The following KCNQ5 variants were observed in gnomAD, a reference collection of about 807,000 sequenced individuals.
KCNQ5 encodes potassium voltage-gated channel subfamily KQT member 5.
In KCNQ5, 30 loss-of-function variants were observed where a neutral mutation model predicts 98.2. The observed-to-expected ratio is 0.31, with a 90% CI of 0.23 to 0.41. KCNQ5 has a LOEUF of 0.41. Among genes scored for constraint, KCNQ5 ranks in the 10% least tolerant of loss-of-function variants. The probability of loss-of-function intolerance (pLI) is 1.00; values close to 1 mark genes in which losing one functional copy is unlikely to be tolerated. For synonymous variants in KCNQ5, 458 were observed against 449.4 expected (o/e 1.02, Z -0.24); for missense variants, 835 against 1,182.5 (o/e 0.71, Z 4.31).
At chr6:72,910,762 A>G (rs1779911377) in intron 1 of KCNQ5, among the ~76,000 whole-genome samples, 1 of 152,152 alleles carries the variant, frequency 6.6e-6, no homozygotes, top group African/African-American at 2.4e-5. Flanking sequence ...AAAGAGGATA[A>G]AAGTGAACAT....
chr6:72,728,351 C>G (rs1340805425), intron 1 of KCNQ5, among the ~76,000 whole-genome samples: 1 of 152,046 alleles, frequency 6.6e-6, no homozygotes, highest in African/African-American at 2.4e-5. Flanking sequence ...ATTATTTATA[C>G]CTGTTCCAGA....
chr6:72,796,764 C>A (rs1329757464), intron 1 of KCNQ5, among the ~76,000 whole-genome samples: 3 of 152,124 alleles, frequency 2.0e-5, no homozygotes, highest in African/African-American at 7.2e-5. Context: ...ACATAATTAG[C>A]TGTATTTGTG....
At chr6:72,928,463 TA>T (rs1765539760) in intron 1 of KCNQ5, among the ~76,000 whole-genome samples, 1 of 152,088 alleles carries the variant, frequency 6.6e-6, no homozygotes, top group African/African-American at 2.4e-5. Context: ...GGAATGATCT[TA>T]GAGTTAAATA....
At chr6:72,800,705 T>C (rs1443458497) in intron 1 of KCNQ5, among the ~76,000 whole-genome samples, 1 of 152,224 alleles carries the variant, frequency 6.6e-6, no homozygotes, top group East Asian at 1.9e-4. Flanking sequence ...CTAGTTCTTT[T>C]AATTGTGATG....
At chr6:73,132,947 G>A (rs886103217) in intron 9 of KCNQ5, among the ~76,000 whole-genome samples, 3 of 152,110 alleles carry the variant, frequency 2.0e-5, no homozygotes, top group African/African-American at 7.2e-5. Flanking sequence ...AATCTTGCCT[G>A]GAATATAAAA....
At chr6:73,004,302 A>T (rs1769722927) in intron 2 of KCNQ5, among the ~76,000 whole-genome samples, 1 of 152,242 alleles carries the variant, frequency 6.6e-6, no homozygotes, top group Non-Finnish European at 1.5e-5. Flanking sequence ...TAAACAAATT[A>T]TATAAGAAGA....
chr6:72,664,887 TA>T (rs1766718063), intron 1 of KCNQ5, among the ~76,000 whole-genome samples: 1 of 152,196 alleles, frequency 6.6e-6, no homozygotes, highest in African/African-American at 2.4e-5. Context: ...TTTTTACCAT[TA>T]AATGTAATTG....
In KCNQ5 at chr6:72,840,157, C is replaced by T. The variant is rs557078157; in HGVS notation, c.399-163751C>T. ...ACCACATTTTCTTTATCCATTCATT[C>T]ACTGCTGGATACTTAGGTTGTTTCT... On this transcript the variant is annotated intron_variant, in intron 1 of 13. Transcript: ENST00000370398. Among the ~76,000 whole-genome samples, 95 of 152,266 alleles carry T rather than the reference C, an allele frequency of 6.2e-4. 2 individuals are homozygous for T. The South Asian group carries it at 0.019, about 31-fold the overall frequency.
intron 2 of KCNQ5, among the ~76,000 whole-genome samples, chr6:73,025,330 A>G (rs192807318): frequency 1.3e-5 from 2 of 152,176 alleles, no homozygotes; most frequent in African/African-American, 2.4e-5. Flanking sequence ...CTTATAAATA[A>G]AAACACTTCA....
chr6:72,927,262 T>A (rs572879557), intron 1 of KCNQ5, among the ~76,000 whole-genome samples: 17 of 152,294 alleles, frequency 1.1e-4, no homozygotes, highest in African/African-American at 3.8e-4. Context: ...GTGGCAAATA[T>A]CCTTGGACTA....
At chr6:72,719,455 A>G (rs1339246896) in intron 1 of KCNQ5, among the ~76,000 whole-genome samples, 2 of 152,208 alleles carry the variant, frequency 1.3e-5, no homozygotes, top group East Asian at 3.8e-4. Flanking sequence ...TCAGCTATAT[A>G]CCAGCAATAT....
Position 72,953,665 on chromosome 6 carries a change from C to T in KCNQ5, c.399-50243C>T, listed in dbSNP as rs142632776. Among the ~76,000 whole-genome samples the T allele has an allele frequency of 1.8e-3, 272 of 152,236 alleles. 1 individual carries two copies. The highest frequency in any genetic ancestry group is 3.9e-3 in the Admixed American group (59 of 15,294). On this transcript the variant is annotated intron_variant, in intron 1 of 13. Coordinates refer to ENST00000370398, the MANE Select transcript of KCNQ5 (RefSeq NM_019842.4). ...TAACTAAGAAATCTTGGACTGTTTG[C>T]ACCAACTTCAAGAAACATGAAGAGG... is the stretch of plus-strand genomic sequence containing the variant.
At chr6:73,010,935 C>T (rs1465486051) in intron 2 of KCNQ5, among the ~76,000 whole-genome samples, 3 of 151,986 alleles carry the variant, frequency 2.0e-5, no homozygotes, top group South Asian at 4.1e-4. Context: ...ATATTGTTAA[C>T]ATGTCCAAAG....
chr6:72,850,317 C>G (rs1189954083), intron 1 of KCNQ5, among the ~76,000 whole-genome samples: 1 of 152,156 alleles, frequency 6.6e-6, no homozygotes, highest in Non-Finnish European at 1.5e-5. Flanking sequence ...ATGGCTTGCA[C>G]AGTTGGCACG....
At chr6:72,889,846 A>C (rs1285578004) in intron 1 of KCNQ5, among the ~76,000 whole-genome samples, 1 of 152,236 alleles carries the variant, frequency 6.6e-6, no homozygotes, top group African/African-American at 2.4e-5. Context: ...ACTATGTATC[A>C]ATAATAAATT....
intron 1 of KCNQ5, among the ~76,000 whole-genome samples, chr6:72,896,373 C>T (rs1437924746): frequency 1.3e-5 from 2 of 151,776 alleles, no homozygotes; most frequent in East Asian, 3.9e-4. Context: ...TAATGATCAT[C>T]TCCATTAAAT....
chr6:72,837,928 G>A (rs1451312069), intron 1 of KCNQ5, among the ~76,000 whole-genome samples: 1 of 151,758 alleles, frequency 6.6e-6, no homozygotes. Flanking sequence ...TGGACACCAA[G>A]TTATTTTTTT....
chr6:72,941,991 G>A (rs545341740), intron 1 of KCNQ5, among the ~76,000 whole-genome samples: 3 of 152,278 alleles, frequency 2.0e-5, no homozygotes, highest in Non-Finnish European at 2.9e-5. Flanking sequence ...CCTGTGAGAG[G>A]CTGTGAGAGA....
At chr6:72,850,157 A>C (rs1487226213) in intron 1 of KCNQ5, among the ~76,000 whole-genome samples, 1 of 152,164 alleles carries the variant, frequency 6.6e-6, no homozygotes, top group Non-Finnish European at 1.5e-5. Context: ...TATGAGTTCT[A>C]GGAAGGCACA....
Sources: gnomAD v4.1 joint callset for allele counts (sites outside exome capture counted in the v4.1 genomes callset) on GRCh38, gnomAD v4.1.1 for gene constraint, MANE v1.5 for transcripts, NCBI Gene and HGNC (gene_info 2026-07-23, HGNC 2026-07-21) for gene names.